CLVS1: variants seen among roughly 807,000 people sequenced by gnomAD.
CLVS1 encodes the protein clavesin-1.
In CLVS1, 10 loss-of-function variants were observed where a neutral mutation model predicts 33.1. The observed-to-expected ratio is 0.30, with a 90% confidence interval of 0.19 to 0.51. The LOEUF is 0.51. Among genes scored for constraint, CLVS1 ranks in the 20% least tolerant of loss-of-function variants. The pLI, the probability that CLVS1 is intolerant of heterozygous loss-of-function variation, is 0.97. For synonymous variants in CLVS1, 163 were observed against 166.1 expected, an observed-to-expected ratio of 0.98 and a Z score of 0.14; for missense variants, 343 against 433.4, an observed-to-expected ratio of 0.79 and a Z score of 1.85.
At chr8:60,976,508 C>T in the CLVS1 span, among the ~76,000 whole-genome samples, 55 of 152,270 alleles carry the variant, frequency 3.6e-4, no homozygotes, top group South Asian at 6.2e-4. Flanking sequence ...CAGGTGTTTG[C>T]CACCAGCCCT....
At chr8:61,446,422 T>A (rs1816759098) in intron 3 of CLVS1, among the ~76,000 whole-genome samples, 2 of 152,204 alleles carry the variant, frequency 1.3e-5, no homozygotes, top group African/African-American at 2.4e-5. Flanking sequence ...AGAAAAGGCA[T>A]GTATTTCTTA....
intron 2 of CLVS1, among the ~76,000 whole-genome samples, chr8:61,376,203 A>T (rs1446662394): frequency 2.0e-5 from 3 of 152,212 alleles, no homozygotes; most frequent in Non-Finnish European, 4.4e-5. Flanking sequence ...TTCAGCAATG[A>T]TTCATTGTAC....
intron 2 of CLVS1, among the ~76,000 whole-genome samples, chr8:61,235,213 G>A (rs1205102620): frequency 3.3e-5 from 5 of 152,198 alleles, no homozygotes; most frequent in Non-Finnish European, 7.3e-5. Context: ...CATGTGAGCA[G>A]AACACAAAAC....
chr8:61,019,843 A>G, the CLVS1 span, among the ~76,000 whole-genome samples: 10 of 152,088 alleles, frequency 6.6e-5, no homozygotes, highest in Non-Finnish European at 4.4e-5. Context: ...GAGTGGGATG[A>G]TGTGGTTGGG....
chr8:61,026,038 CT>C, the CLVS1 span, among the ~76,000 whole-genome samples: 4 of 151,976 alleles, frequency 2.6e-5, no homozygotes, highest in African/African-American at 9.7e-5. Context: ...TTCCCTCCCC[CT>C]GCTACCCCTC....
At chr8:61,289,300 C>T (rs919893624) in intron 1 of CLVS1, among the ~76,000 whole-genome samples, 1 of 152,216 alleles carries the variant, frequency 6.6e-6, no homozygotes, top group Non-Finnish European at 1.5e-5. Flanking sequence ...AGAGTGCTAT[C>T]ATTTTCTATC....
intron 2 of CLVS1, among the ~76,000 whole-genome samples, chr8:61,235,597 C>T (rs1338422494): frequency 2.0e-5 from 3 of 152,128 alleles, no homozygotes; most frequent in Non-Finnish European, 2.9e-5. Context: ...GCAAGATTGT[C>T]TAGAAAGTAG....
At chr8:61,159,022 C>T (rs561770822) in intron 2 of CLVS1, among the ~76,000 whole-genome samples, 4 of 152,192 alleles carry the variant, frequency 2.6e-5, no homozygotes, top group African/African-American at 9.6e-5. Flanking sequence ...GCATGAGCCA[C>T]CATGCTATAA....
chr8:61,268,468 A>G (rs901529528), intron 2 of CLVS1, among the ~76,000 whole-genome samples: 8 of 151,592 alleles, frequency 5.3e-5, no homozygotes, highest in Non-Finnish European at 1.0e-4. Context: ...ATAATGCCGC[A>G]ATAAACATAC....
chr8:61,118,268 T>G (rs954856667), intron 1 of CLVS1, among the ~76,000 whole-genome samples: 5 of 152,194 alleles, frequency 3.3e-5, no homozygotes, highest in Admixed American at 2.6e-4. Context: ...TCTCTTTTTT[T>G]CTTTATTAGT....
chr8:61,360,756 CA>C (rs756998228), intron 2 of CLVS1, among the ~76,000 whole-genome samples: 39 of 152,134 alleles, frequency 2.6e-4, no homozygotes, highest in Admixed American at 7.9e-4. Flanking sequence ...GAATAATAAA[CA>C]CAAGCTCTTT....
intron 3 of CLVS1, among the ~76,000 whole-genome samples, chr8:61,387,560 G>C (rs1007566855): frequency 3.1e-4 from 45 of 143,906 alleles, no homozygotes; most frequent in Non-Finnish European, 7.5e-5. Flanking sequence ...TGATTTCTGA[G>C]ATTTTGGTGC....
In CLVS1 at chr8:61,408,975, T is replaced by A. The variant is rs896762157; in HGVS notation, c.630+32196T>A. Among the ~76,000 whole-genome samples the A allele has an allele frequency of 8.5e-5, 13 of 152,282 alleles. No individual in the cohort carries two copies. In the Middle Eastern group the frequency reaches 0.01, roughly 120 times the overall value. ...GGCCACTCATCAGCATCGTTATTAA[T>A]CTTCTTCTCTAAGTCAAAGGAAGAA... On this transcript the variant is annotated intron_variant, in intron 3 of 5. Transcript: ENST00000325897.
chr8:61,135,351 A>G (rs1806174565), intron 2 of CLVS1, among the ~76,000 whole-genome samples: 1 of 152,030 alleles, frequency 6.6e-6, no homozygotes, highest in Non-Finnish European at 1.5e-5. Flanking sequence ...TATCCACAGC[A>G]TTGCTTTTTC....
intron 2 of CLVS1, among the ~76,000 whole-genome samples, chr8:61,169,871 C>T (rs959214004): frequency 6.6e-6 from 1 of 152,102 alleles, no homozygotes; most frequent in Non-Finnish European, 1.5e-5. Flanking sequence ...GTTTAACAGA[C>T]TCAAGTCTTC....
At chr8:61,365,776 CGTGTGT>C (rs112942345) in intron 2 of CLVS1, among the ~76,000 whole-genome samples, 9,381 of 110,628 alleles carry the variant, frequency 0.085, 972 homozygotes, top group African/African-American at 0.24. Context: ...TGTGTGTGTG[CGTGTGT>C]GTGTGTGTGT....
the CLVS1 span, among the ~76,000 whole-genome samples, chr8:61,009,369 A>C: frequency 6.6e-6 from 1 of 152,132 alleles, no homozygotes; most frequent in African/African-American, 2.4e-5. Flanking sequence ...GCTGGTCTCG[A>C]ACTCCTGGGC....
At chr8:61,096,821 G>T (rs551468214) in intron 1 of CLVS1, among the ~76,000 whole-genome samples, 1 of 152,174 alleles carries the variant, frequency 6.6e-6, no homozygotes, top group African/African-American at 2.4e-5. Flanking sequence ...TGCTTCCTTT[G>T]CCTCACCTCA....
At chr8:61,074,801 A>G (rs955329537) in intron 1 of CLVS1, among the ~76,000 whole-genome samples, 2 of 152,194 alleles carry the variant, frequency 1.3e-5, no homozygotes, top group Non-Finnish European at 2.9e-5. Flanking sequence ...ACAAAGATGA[A>G]TATAAAGTGC....
Sources: gnomAD v4.1 joint callset for allele counts (sites outside exome capture counted in the v4.1 genomes callset) on GRCh38, gnomAD v4.1.1 for gene constraint, MANE v1.5 for transcripts, NCBI Gene and HGNC (gene_info 2026-07-23, HGNC 2026-07-21) for gene names.